Variants in GALNT17 observed in about 807,000 individuals in gnomAD.
The protein encoded by GALNT17 is polypeptide N-acetylgalactosaminyltransferase 17.
Under a neutral mutation model 63.7 loss-of-function variants are expected in GALNT17, and 29 were observed. The ratio of observed to expected loss-of-function variants is 0.46; its 90% confidence interval spans 0.34 to 0.62. The LOEUF (loss-of-function observed/expected upper bound fraction) is 0.62. Ranked by LOEUF, GALNT17 falls within the 20% of genes least tolerant of loss-of-function variation. The pLI is 0.01. For synonymous variants in GALNT17, 305 were observed against 318.3 expected, an observed-to-expected ratio of 0.96 and a Z score of 0.45; for missense variants, 603 against 799.6, an observed-to-expected ratio of 0.75 and a Z score of 2.97.
intron 2 of GALNT17, among the ~76,000 whole-genome samples, chr7:71,384,616 T>C (rs1563053472): frequency 6.6e-6 from 1 of 152,160 alleles, no homozygotes; most frequent in Non-Finnish European, 1.5e-5. Context: ...TTAATGCTCA[T>C]GATCTTCTGC....
intron 1 of GALNT17, among the ~76,000 whole-genome samples, chr7:71,150,040 C>T (rs946794097): frequency 2.6e-5 from 4 of 152,108 alleles, no homozygotes; most frequent in South Asian, 2.1e-4. Context: ...ACACGCTTCT[C>T]GGAAGCTGAT....
At chr7:71,147,867 A>G (rs551791588) in intron 1 of GALNT17, among the ~76,000 whole-genome samples, 4 of 152,192 alleles carry the variant, frequency 2.6e-5, no homozygotes, top group Non-Finnish European at 5.9e-5. Context: ...TCCTGACTTC[A>G]TGATCCACTG....
chr7:71,457,096 G>T (rs1232995151), intron 5 of GALNT17, among the ~76,000 whole-genome samples: 1 of 152,198 alleles, frequency 6.6e-6, no homozygotes, highest in Non-Finnish European at 1.5e-5. Flanking sequence ...AATCAGATAT[G>T]AATTTGTCTC....
chr7:71,608,246 A>G (rs545279953), intron 6 of GALNT17, among the ~76,000 whole-genome samples: 3 of 152,280 alleles, frequency 2.0e-5, no homozygotes, highest in African/African-American at 7.2e-5. Flanking sequence ...CAGGAAAGAA[A>G]GAATGGAGAC....
chr7:71,520,461 T>G (rs965534240), intron 5 of GALNT17, among the ~76,000 whole-genome samples: 1 of 151,710 alleles, frequency 6.6e-6, no homozygotes, highest in African/African-American at 2.4e-5. Flanking sequence ...AGGCGGAGGT[T>G]GTAGTGAGCT....
intron 6 of GALNT17, among the ~76,000 whole-genome samples, chr7:71,575,635 G>A (rs1306393946): frequency 5.3e-5 from 8 of 152,112 alleles, no homozygotes; most frequent in East Asian, 1.9e-4. Flanking sequence ...TGATCCGCCC[G>A]CCTCGGCCTC....
intron 1 of GALNT17, among the ~76,000 whole-genome samples, chr7:71,236,954 A>G (rs1474478005): frequency 6.6e-6 from 1 of 152,182 alleles, no homozygotes; most frequent in African/African-American, 2.4e-5. Context: ...GGAGATGCCT[A>G]AGTTCTTTGT....
chr7:71,484,215 C>T (rs1335526018), intron 5 of GALNT17, among the ~76,000 whole-genome samples: 3 of 152,118 alleles, frequency 2.0e-5, no homozygotes, highest in African/African-American at 4.8e-5. Flanking sequence ...GGGCCAGATG[C>T]GGTGGCTCAT....
chr7:71,332,115 T>A (rs1440001270), intron 1 of GALNT17, among the ~76,000 whole-genome samples: 2 of 152,182 alleles, frequency 1.3e-5, no homozygotes, highest in Non-Finnish European at 2.9e-5. Context: ...TTTCTATGAT[T>A]GTCTTGAGTA....
chr7:71,612,338 A>G lies in GALNT17; in HGVS notation c.1080+40936A>G, dbSNP rs561487199. Among the ~76,000 whole-genome samples, 5 of 152,342 alleles carry G rather than the reference A, an allele frequency of 3.3e-5. 1 individual carries two copies. Among genetic ancestry groups the G allele is most frequent in the Admixed American group, 3.3e-4 (5 of 15,300 alleles). The stretch of plus-strand genomic sequence containing the variant: ...ATACCCCATCTGAAGAATTGGGCAT[A>G]TGGAAATAGACCTTTAGACACTAAA... On this transcript the variant is annotated intron_variant, in intron 6 of 10. Coordinates refer to ENST00000333538, the MANE Select transcript of GALNT17 (RefSeq NM_022479.3).
chr7:71,181,504 T>C (rs796502708), intron 1 of GALNT17, among the ~76,000 whole-genome samples: 48 of 152,200 alleles, frequency 3.2e-4, no homozygotes, highest in African/African-American at 1.1e-3. Flanking sequence ...TAGCTGGTGA[T>C]GAGAAGGATG....
chr7:71,287,297 C>T (rs73177813), intron 1 of GALNT17, among the ~76,000 whole-genome samples: 2,627 of 151,944 alleles, frequency 0.017, 27 homozygotes, highest in Non-Finnish European at 0.028. Context: ...GCCCTGTTTT[C>T]TGGGCTTGTC....
chr7:71,546,241 G>A (rs11765248), intron 5 of GALNT17, among the ~76,000 whole-genome samples: 46,211 of 150,604 alleles, frequency 0.31, 8,583 homozygotes, highest in Middle Eastern at 0.41. Flanking sequence ...GCTCACTGCA[G>A]CCTCAGCCTC....
rs1438607200 is a variant in GALNT17 at position 71,445,594 on chromosome 7, C to T, written c.962+24489C>T. ...GAGCTGGTTCCAGACAACTAGGTAA[C>T]CACATTTTGCACAGGGCTTGGGAAG... is the stretch of plus-strand genomic sequence containing the variant. On this transcript the variant is annotated intron_variant, in intron 5 of 10. Coordinates refer to ENST00000333538, the MANE Select transcript of GALNT17 (RefSeq NM_022479.3). 3.9e-5 allele frequency among the ~76,000 whole-genome samples: 6 copies of T among 152,228 alleles called. No homozygotes were observed. The South Asian group carries it at 8.3e-4, about 21-fold the overall frequency.
rs183514535 is a variant in GALNT17, at chr7:71,322,515, C to G, written c.239-13035C>G. On this transcript the variant is annotated intron_variant, in intron 1 of 10. Coordinates refer to ENST00000333538, the MANE Select transcript of GALNT17 (RefSeq NM_022479.3). The stretch of plus-strand genomic sequence containing the variant: ...GAAAATGTACCTCCAGTATTCGTGG[C>G]TCTGAGGGAAGCACAAATCTAGAGA... Among the ~76,000 whole-genome samples, 4 of 152,278 alleles carry G rather than the reference C, an allele frequency of 2.6e-5. No homozygotes were observed. The East Asian group carries it at 7.7e-4, about 29-fold the overall frequency.
At chr7:71,709,193 C>G (rs1290531393) in intron 9 of GALNT17, among the ~76,000 whole-genome samples, 1 of 152,192 alleles carries the variant, frequency 6.6e-6, no homozygotes, top group African/African-American at 2.4e-5. Flanking sequence ...TATAAGCATG[C>G]CTTCTTCTCT....
At chr7:71,364,104 A>G (rs1278577341) in intron 2 of GALNT17, among the ~76,000 whole-genome samples, 2 of 152,086 alleles carry the variant, frequency 1.3e-5, no homozygotes, top group African/African-American at 4.8e-5. Context: ...TGCACCCATC[A>G]CCCGAGCAGT....
At chr7:71,348,948 G>GCA (rs1414186359) in intron 2 of GALNT17, among the ~76,000 whole-genome samples, 1 of 152,148 alleles carries the variant, frequency 6.6e-6, no homozygotes, top group Non-Finnish European at 1.5e-5. Context: ...GTCTACATGG[G>GCA]CACACACACA....
intron 6 of GALNT17, among the ~76,000 whole-genome samples, chr7:71,589,910 G>A (rs17143664): frequency 0.032 from 4,858 of 152,190 alleles, 246 homozygotes; most frequent in African/African-American, 0.11. Flanking sequence ...GCAGATACAC[G>A]GTGACGCAGT....
Sources: gnomAD v4.1 joint callset for allele counts (sites outside exome capture counted in the v4.1 genomes callset) on GRCh38, gnomAD v4.1.1 for gene constraint, MANE v1.5 for transcripts, NCBI Gene and HGNC (gene_info 2026-07-23, HGNC 2026-07-21) for gene names.